The following GC variants were observed in gnomAD, a reference collection of about 807,000 sequenced individuals.
The protein encoded by GC is GC vitamin D binding protein.
Under a neutral mutation model 56.7 loss-of-function variants are expected in GC, and 43 were observed. The observed-to-expected ratio is 0.76, with a 90% confidence interval of 0.59 to 0.98. The LOEUF (loss-of-function observed/expected upper bound fraction) is 0.98. GC is among the 50% of genes least tolerant of loss of function. The probability of loss-of-function intolerance (pLI) is 0.00; values close to 1 mark genes in which losing one functional copy is unlikely to be tolerated. For missense variants in GC, 529 were observed against 545.9 expected, an observed-to-expected ratio of 0.97 and a Z score of 0.31; for synonymous variants, 216 against 202.7, an observed-to-expected ratio of 1.07 and a Z score of -0.56.
chr4:71,769,546 C>A (rs1742279883), intron 1 of GC, 146 bp from the exon 2 acceptor site: 1 of 590,862 alleles, frequency 1.7e-6, no homozygotes. Flanking sequence ...ATTTTGGGGG[C>A]CTTTCTAGCT....
At chr4:71,787,450 C>A (rs1873591), upstream of GC, among the ~76,000 whole-genome samples, 987 of 151,916 alleles carry the variant, frequency 6.5e-3, 15 homozygotes, top group African/African-American at 0.023. Flanking sequence ...TTCATTTATT[C>A]ATTTAACATA....
At position 71,765,655 on chromosome 4, in the gene GC, G is replaced by A. The variant is rs1488086563; in HGVS notation, c.262-12C>T. The A allele has an allele frequency of 6.5e-7, 1 of 1,532,778 alleles. No individual in the cohort carries two copies. Among genetic ancestry groups the A allele is most frequent in the Non-Finnish European group, 9.0e-7 (1 of 1,107,828 alleles). The allele number at this position is 1,532,778 out of a possible 1,614,324, so 94.9% of individuals were successfully genotyped here. On this transcript the variant is annotated splice_polypyrimidine_tract_variant and intron_variant, in intron 3 of 12. Transcript: ENST00000273951. Reference sequence around the variant, plus strand: ...GACAGTGCTGAGGTCTGGAGGAGAAGGAAAAAGGAAACTCATATATATATG... The same window carrying A: ...GACAGTGCTGAGGTCTGGAGGAGAAAGAAAAAGGAAACTCATATATATATG...
intron 1 of GC, among the ~76,000 whole-genome samples, chr4:71,792,608 G>A (rs1014726521): frequency 7.2e-5 from 11 of 152,018 alleles, no homozygotes; most frequent in African/African-American, 2.2e-4. Flanking sequence ...CCATTCTTAG[G>A]TTGTCTGTTC....
At chr4:71,749,584 A>T (rs949718641) in intron 11 of GC, among the ~76,000 whole-genome samples, 2 of 152,160 alleles carry the variant, frequency 1.3e-5, no homozygotes, top group African/African-American at 2.4e-5. Flanking sequence ...CTTCTATGTA[A>T]GGTGATTTTA....
At chr4:71,765,709 T>A in intron 3 of GC, 66 bp from the exon 4 acceptor site, 1 of 940,094 alleles carries the variant, frequency 1.1e-6, no homozygotes, top group Non-Finnish European at 1.7e-6. Flanking sequence ...GACTTCCATT[T>A]AATATAATAT....
chr4:71,790,682 G>A (rs1477432382), intron 1 of GC, among the ~76,000 whole-genome samples: 1 of 149,212 alleles, frequency 6.7e-6, no homozygotes, highest in Non-Finnish European at 1.5e-5. Flanking sequence ...GTTTCTCTAG[G>A]GCTAATAATA....
At chr4:71,774,158 A>G (rs1742433571) in intron 1 of GC, among the ~76,000 whole-genome samples, 1 of 152,094 alleles carries the variant, frequency 6.6e-6, no homozygotes, top group Non-Finnish European at 1.5e-5. Flanking sequence ...CCCACATGAC[A>G]TCTATAGATA....
intron 1 of GC, among the ~76,000 whole-genome samples, chr4:71,794,707 AT>A (rs1376473277): frequency 6.6e-6 from 1 of 151,900 alleles, no homozygotes; most frequent in Non-Finnish European, 1.5e-5. Flanking sequence ...TAGCTTTTAA[AT>A]TTGTTTGCTC....
At chr4:71,754,338 A>G (rs568906542) in intron 10 of GC, 73 bp downstream of exon 10, 10 of 727,636 alleles carry the variant, frequency 1.4e-5, no homozygotes, top group South Asian at 5.0e-5. Flanking sequence ...GTGTTCAACT[A>G]TGCTTTCAAT....
At chr4:71,801,870 A>G (rs1400796303) in intron 1 of GC, among the ~76,000 whole-genome samples, 1 of 140,868 alleles carries the variant, frequency 7.1e-6, no homozygotes, top group African/African-American at 2.6e-5. Flanking sequence ...CTTCCTTCCT[A>G]TTTTTCCTGT....
chr4:71,802,445 A>G lies in GC; in HGVS notation c.21+1481T>C, dbSNP rs77317329. On this transcript the variant is annotated intron_variant, in intron 1 of 13. Transcript: ENST00000504199. ...AAAACAAGATCTTTAGGATAGCCTA[A>G]TTAGCACTTGCAATATTAATAGGGA... Among the ~76,000 whole-genome samples, 1,292 of 152,342 alleles carry G rather than the reference A, an allele frequency of 8.5e-3. 15 individuals carry two copies. Among genetic ancestry groups the G allele is most frequent in the Non-Finnish European group, 0.013 (898 of 68,012 alleles).
chr4:71,794,436 A>G (rs1351422024), intron 1 of GC, among the ~76,000 whole-genome samples: 3 of 152,020 alleles, frequency 2.0e-5, no homozygotes, highest in Admixed American at 2.0e-4. Context: ...TTTCTAGTTT[A>G]TTTGCATAGA....
Position 71,756,097 on chromosome 4 carries a change from G to A in GC, c.1034+615C>T, listed in dbSNP as rs560172925. On this transcript the variant is annotated intron_variant, in intron 8 of 12. Coordinates refer to ENST00000273951, the MANE Select transcript of GC (RefSeq NM_000583.4). The stretch of plus-strand genomic sequence containing the variant: ...TTTAAATTTAATGAAAATGAATATT[G>A]ATAATGCTAAGAAAAAAATATTCTG... 2.3e-4 allele frequency among the ~76,000 whole-genome samples: 16 copies of A among 70,574 alleles called. No homozygotes were observed. In the South Asian group the frequency reaches 0.014, roughly 60 times the overall value. The allele number at this position is 70,574 out of a possible 152,430, so 46.3% of individuals were successfully genotyped here.
intron 1 of GC, among the ~76,000 whole-genome samples, chr4:71,795,307 G>A (rs560936125): frequency 6.6e-6 from 1 of 152,148 alleles, no homozygotes; most frequent in Non-Finnish European, 1.5e-5. Context: ...CTCTTTGTAG[G>A]TCTCTAAAGA....
Position 71,781,718 on chromosome 4 carries a change from G to C in GC, c.58+2243C>G, listed in dbSNP as rs184568190. On this transcript the variant is annotated intron_variant, in intron 1 of 12. Coordinates refer to ENST00000273951, the MANE Select transcript of GC (RefSeq NM_000583.4). ...GTAGGCAACTGGGAAATACTGCCTT[G>C]TTGCTTTTCATAGGGTAGCAAAAGT... 2.6e-5 allele frequency among the ~76,000 whole-genome samples: 4 copies of C among 151,956 alleles called. No homozygotes were observed. In the East Asian group the frequency reaches 7.8e-4, roughly 30 times the overall value.
At chr4:71,745,913 T>A (rs1423237173) in intron 12 of GC, among the ~76,000 whole-genome samples, 1 of 152,082 alleles carries the variant, frequency 6.6e-6, no homozygotes, top group African/African-American at 2.4e-5. Flanking sequence ...TTATGATGGA[T>A]GAAGCACAAG....
At chr4:71,775,029 G>T (rs978367378) in intron 1 of GC, among the ~76,000 whole-genome samples, 1 of 69,296 alleles carries the variant, frequency 1.4e-5, no homozygotes, top group Non-Finnish European at 2.8e-5. Context: ...TTCTTCCCCG[G>T]CCCTTTTTTT....
intron 11 of GC, among the ~76,000 whole-genome samples, chr4:71,749,113 A>C (rs934627784): frequency 6.6e-6 from 1 of 152,194 alleles, no homozygotes; most frequent in African/African-American, 2.4e-5. Flanking sequence ...AAAGGCAATC[A>C]GAGGGCTAAT....
chr4:71,795,424 G>A (rs1417180348), intron 1 of GC, among the ~76,000 whole-genome samples: 1 of 152,102 alleles, frequency 6.6e-6, no homozygotes, highest in Non-Finnish European at 1.5e-5. Context: ...GGCCTTGTTT[G>A]TCTCTTTGAT....
Sources: allele counts gnomAD v4.1 joint callset (sites outside exome capture counted in the v4.1 genomes callset), GRCh38; gene constraint gnomAD v4.1.1; transcripts MANE v1.5; gene names NCBI Gene and HGNC (gene_info 2026-07-23, HGNC 2026-07-21).